Variants in PACRGL observed in about 807,000 individuals in gnomAD.
The protein encoded by PACRGL is parkin coregulated like.
A neutral mutation model predicts 34.5 loss-of-function variants in PACRGL; 38 were observed. The observed-to-expected ratio is 1.10, with a 90% CI of 0.85 to 1.44. PACRGL has a LOEUF of 1.44. Ranked by LOEUF, PACRGL falls within the 40% of genes most tolerant of loss-of-function variation. The pLI is 0.00. For synonymous variants in PACRGL, 128 were observed against 100.1 expected (o/e 1.28, Z -1.66); for missense variants, 305 against 281.4 (o/e 1.08, Z -0.60).
chr4:20,713,985 G>A (rs560192572), intron 7 of PACRGL, among the ~76,000 whole-genome samples: 1 of 152,268 alleles, frequency 6.6e-6, no homozygotes, highest in African/African-American at 2.4e-5. Flanking sequence ...TTGATTTGGG[G>A]TGGAGAGTTC....
Position 20,729,518 on chromosome 4 carries a change from T to TAAAACTAATTTCTAACA in PACRGL, c.*2178_*2194dup, listed in dbSNP as rs1553881657. ...TTTTTAAATGTTTAAAAATGCCAGA[T>TAAAACTAATTTCTAACA]AAAACTAATTTCTAACAGAAGGTGG... On this transcript the variant is annotated 3_prime_UTR_variant, in exon 9 of 9. Coordinates refer to ENST00000503585, the MANE Select transcript of PACRGL (RefSeq NM_001258345.3). 2.3e-5 allele frequency: 3 copies of TAAAACTAATTTCTAACA among 128,304 alleles called. No individual in the cohort carries two copies. The highest frequency in any genetic ancestry group is 2.2e-4 in the East Asian group (1 of 4,566). The allele number at this position is 128,304 out of a possible 1,614,324, so 7.9% of individuals were successfully genotyped here. A position where few individuals can be genotyped will look rare whatever the true frequency, so the allele number is the denominator to read the frequency against.
chr4:20,741,949 C>T (rs1022333941), intron 8 of PACRGL, among the ~76,000 whole-genome samples: 5 of 152,148 alleles, frequency 3.3e-5, no homozygotes, highest in South Asian at 4.1e-4. Context: ...CACCTCTATG[C>T]GAATAAACTA....
chr4:20,758,831 A>G, the PACRGL span: 3 of 1,612,908 alleles, frequency 1.9e-6, no homozygotes, highest in Non-Finnish European at 2.5e-6. Context: ...CTCCCTGTGG[A>G]AAGAACTGCG....
At chr4:20,716,149 TTGA>T (rs1210566996) in intron 7 of PACRGL, 1 of 1,437,358 alleles carries the variant, frequency 7.0e-7, no homozygotes, top group African/African-American at 1.4e-5. Flanking sequence ...ACTCTTAGGT[TTGA>T]TGATTTGCCA....
intron 7 of PACRGL, chr4:20,716,053 A>G: frequency 1.4e-6 from 2 of 1,477,612 alleles, no homozygotes; most frequent in Non-Finnish European, 1.8e-6. Context: ...GCATTCAGGA[A>G]GAGACCTTTT....
At chr4:20,727,255 T>C in intron 8 of PACRGL, 30 bp from the exon 9 acceptor site, 1 of 1,575,106 alleles carries the variant, frequency 6.3e-7, no homozygotes, top group Non-Finnish European at 8.7e-7. Flanking sequence ...TGCATGATAC[T>C]AATGATGCTC....
chr4:20,702,028 G>A (rs1426272661), intron 1 of PACRGL: 3 of 439,482 alleles, frequency 6.8e-6, no homozygotes, highest in Middle Eastern at 6.5e-4. Context: ...AAGTTGTCCT[G>A]TATACTCATA....
At chr4:20,742,617 G>A (rs922204526) in intron 8 of PACRGL, among the ~76,000 whole-genome samples, 1 of 152,060 alleles carries the variant, frequency 6.6e-6, no homozygotes, top group Non-Finnish European at 1.5e-5. Flanking sequence ...CATACTGAAT[G>A]GGCAAAAACT....
In PACRGL at chr4:20,730,208, C is replaced by T; in HGVS notation, c.*2867C>T. On this transcript the variant is annotated 3_prime_UTR_variant, in exon 9 of 9. Transcript: ENST00000503585. ...ACACTATTTTGCCCCTGAGTATTGC[C>T]TCCTCCCATCAACCACCTCAACCAC... 1.4e-6 allele frequency: 2 copies of T among 1,477,370 alleles called. No homozygotes were observed. The highest frequency in any genetic ancestry group is 1.8e-6 in the Non-Finnish European group (2 of 1,107,398). 91.5% of individuals were successfully genotyped at this position (1,477,370 alleles called of 1,614,324 possible). A position where few individuals can be genotyped will look rare whatever the true frequency, so the allele number is the denominator to read the frequency against.
In PACRGL at chr4:20,730,791, G is replaced by A. The variant is rs1244571440; in HGVS notation, c.*3450G>A. Among the ~76,000 whole-genome samples the A allele has an allele frequency of 6.6e-6, 1 of 152,078 alleles. No homozygotes were observed. The highest frequency in any genetic ancestry group is 1.9e-4 in the East Asian group (1 of 5,188). On this transcript the variant is annotated 3_prime_UTR_variant, in exon 9 of 9. Transcript: ENST00000503585. Reference sequence around the variant, plus strand: ...GAAATGAGTTAGGGGACAGACTTTGGGCATTATTGGAGCACTTGTCAGTTG... The same window carrying A: ...GAAATGAGTTAGGGGACAGACTTTGAGCATTATTGGAGCACTTGTCAGTTG...
intron 8 of PACRGL, among the ~76,000 whole-genome samples, chr4:20,746,571 C>T (rs1281591269): frequency 6.6e-6 from 1 of 152,026 alleles, no homozygotes; most frequent in Non-Finnish European, 1.5e-5. Flanking sequence ...CATCTAATAA[C>T]TACTGAGCAC....
At chr4:20,713,163 G>A in intron 6 of PACRGL, 2 of 539,244 alleles carry the variant, frequency 3.7e-6, no homozygotes, top group Non-Finnish European at 6.4e-6. Context: ...GTAATTAGAG[G>A]AAGTAATGAA....
At chr4:20,746,129 A>C (rs1264902323) in intron 8 of PACRGL, among the ~76,000 whole-genome samples, 2 of 152,136 alleles carry the variant, frequency 1.3e-5, no homozygotes, top group African/African-American at 4.8e-5. Context: ...AACCAACCCA[A>C]ATGTCCATCA....
Position 20,728,175 on chromosome 4 carries a change from AT to A in PACRGL, c.*840del, listed in dbSNP as rs1578375066. 1 of 151,920 alleles carries A rather than the reference AT, an allele frequency of 6.6e-6. No individual in the cohort carries two copies. Among genetic ancestry groups the A allele is most frequent in the Non-Finnish European group, 1.5e-5 (1 of 68,016 alleles). 9.4% of individuals were successfully genotyped at this position (151,920 alleles called of 1,614,324 possible). A position where few individuals can be genotyped will look rare whatever the true frequency, so the allele number is the denominator to read the frequency against. On this transcript the variant is annotated 3_prime_UTR_variant, in exon 9 of 9. Coordinates refer to ENST00000503585, the MANE Select transcript of PACRGL (RefSeq NM_001258345.3). Reference sequence around the variant, plus strand: ...TTTTCAGAGTATTCTAGTTTAAAAAATTTTTTCTAATTCTGTAAATTCTATT... The same window carrying A: ...TTTTCAGAGTATTCTAGTTTAAAAAATTTTTCTAATTCTGTAAATTCTATT...
At position 20,730,181 on chromosome 4, in the gene PACRGL, G is replaced by GTACACTA; in HGVS notation, c.*2842_*2848dup. ...AAATTCAGCATATCTGCAAGGAAAA[G>GTACACTA]TACACTATTTTGCCCCTGAGTATTG... is the stretch of plus-strand genomic sequence containing the variant. On this transcript the variant is annotated 3_prime_UTR_variant, in exon 9 of 9. Coordinates refer to ENST00000503585, the MANE Select transcript of PACRGL (RefSeq NM_001258345.3). 1 of 1,559,634 alleles carries GTACACTA rather than the reference G, an allele frequency of 6.4e-7. No individual in the cohort carries two copies. Among genetic ancestry groups the GTACACTA allele is most frequent in the Middle Eastern group, 1.7e-4 (1 of 5,798 alleles).
At chr4:20,743,686 A>G (rs932322742) in intron 8 of PACRGL, among the ~76,000 whole-genome samples, 1 of 152,162 alleles carries the variant, frequency 6.6e-6, no homozygotes, top group Non-Finnish European at 1.5e-5. Context: ...AACCTAGGCA[A>G]TACCATTCAG....
chr4:20,699,963 G>T (rs970638226), upstream of PACRGL, among the ~76,000 whole-genome samples: 4 of 152,204 alleles, frequency 2.6e-5, no homozygotes, highest in African/African-American at 9.6e-5. Flanking sequence ...GACAGGAAAC[G>T]AATTTCCACA....
Position 20,729,427 on chromosome 4 carries a change from T to C in PACRGL, c.*2086T>C, listed in dbSNP as rs1053476568. 6.6e-6 allele frequency: 1 copy of C among 152,146 alleles called. No homozygotes were observed. Among genetic ancestry groups the C allele is most frequent in the Non-Finnish European group, 1.5e-5 (1 of 67,976 alleles). The allele number at this position is 152,146 out of a possible 1,614,324, so 9.4% of individuals were successfully genotyped here. ...CATATTATGGAAAATTAAATGCTTA[T>C]TAAAATAAGTTTTATTAGGCATATG... On this transcript the variant is annotated 3_prime_UTR_variant, in exon 9 of 9. Coordinates refer to ENST00000503585, the MANE Select transcript of PACRGL (RefSeq NM_001258345.3).
chr4:20,721,863 G>T (rs533700285), intron 7 of PACRGL, among the ~76,000 whole-genome samples: 1 of 152,326 alleles, frequency 6.6e-6, no homozygotes, highest in African/African-American at 2.4e-5. Context: ...GTCAGACAGG[G>T]ACATTTAAGT....
Sources: gnomAD v4.1 joint callset for allele counts (sites outside exome capture counted in the v4.1 genomes callset) on GRCh38, gnomAD v4.1.1 for gene constraint, MANE v1.5 for transcripts, NCBI Gene and HGNC (gene_info 2026-07-23, HGNC 2026-07-21) for gene names.